RAB23: variants seen among roughly 807,000 people sequenced by gnomAD.
RAB23 encodes the protein RAB23, member RAS oncogene family, also known as ras-related protein Rab-23.
RAB23 carries 15 observed loss-of-function variants against 30.0 expected under a neutral mutation model. That is an observed-to-expected ratio of 0.50 (90% confidence interval 0.33 to 0.77). The LOEUF (loss-of-function observed/expected upper bound fraction) is 0.77. Among genes scored for constraint, RAB23 ranks in the 30% least tolerant of loss-of-function variants. The pLI is 0.02. For missense variants in RAB23, 243 were observed against 275.4 expected (o/e 0.88, Z 0.83); for synonymous variants, 93 against 94.0 (o/e 0.99, Z 0.06).
At chr6:57,212,136 C>CT (rs1267053325) in intron 1 of RAB23, among the ~76,000 whole-genome samples, 2 of 152,230 alleles carry the variant, frequency 1.3e-5, no homozygotes, top group African/African-American at 2.4e-5. Flanking sequence ...CCTTCATGAG[C>CT]TGCTACCTGG....
chr6:57,194,778 A>G lies in RAB23; in HGVS notation c.473T>C (p.Val158Ala). ...YRTSVKEDLN[V>A]NEVFKYLAEK... ...CTTTAAAGGTAATTTACCTTCATTC[A>G]CATTTAGATCTTCTTTCACTGATGT... Residue 158 changes from valine to alanine, a missense_variant, in exon 5 of 7, where the codon GTG becomes GCG. Coordinates refer to ENST00000468148, the MANE Select transcript of RAB23 (RefSeq NM_016277.5). 6.2e-7 allele frequency: 1 copy of G among 1,610,750 alleles called. No individual in the cohort carries two copies. Among genetic ancestry groups the G allele is most frequent in the Non-Finnish European group, 8.5e-7 (1 of 1,177,492 alleles).
At chr6:57,220,015 T>A (rs1023694035) in intron 1 of RAB23, among the ~76,000 whole-genome samples, 4 of 152,194 alleles carry the variant, frequency 2.6e-5, no homozygotes, top group Admixed American at 6.5e-5. Flanking sequence ...GAAAAACACG[T>A]ATCTAACATA....
chr6:57,194,612 C>T (rs914667765), intron 5 of RAB23, among the ~76,000 whole-genome samples, 158 bp downstream of exon 5: 3 of 151,988 alleles, frequency 2.0e-5, no homozygotes, highest in African/African-American at 7.2e-5. Flanking sequence ...AATAATTAAG[C>T]ACTAACAAAA....
intron 1 of RAB23, among the ~76,000 whole-genome samples, chr6:57,216,271 C>A (rs1462986293): frequency 6.6e-6 from 1 of 152,140 alleles, no homozygotes; most frequent in Non-Finnish European, 1.5e-5. Context: ...CCATAATGTG[C>A]ATCCCCATCA....
rs1764652533 is a variant in RAB23, at chr6:57,187,633, T to G, written c.*2828A>C. 2 of 152,174 alleles carry G rather than the reference T, an allele frequency of 1.3e-5. No individual in the cohort carries two copies. The highest frequency in any genetic ancestry group is 1.3e-4 in the Admixed American group (2 of 15,284). The allele number at this position is 152,174 out of a possible 1,614,324, so 9.4% of individuals were successfully genotyped here. A position where few individuals can be genotyped will look rare whatever the true frequency, so the allele number is the denominator to read the frequency against. Reference sequence around the variant, plus strand: ...GCTAATAATTAACAATATCTTATATTAAAAGGGTCCAACACTAAGTTGGGA... The same window carrying G: ...GCTAATAATTAACAATATCTTATATGAAAAGGGTCCAACACTAAGTTGGGA... On this transcript the variant is annotated 3_prime_UTR_variant, in exon 7 of 7. Transcript: ENST00000468148.
intron 1 of RAB23, among the ~76,000 whole-genome samples, chr6:57,218,253 T>C (rs865781908): frequency 6.6e-6 from 1 of 152,198 alleles, no homozygotes; most frequent in Middle Eastern, 3.4e-3. Flanking sequence ...AAAAAGACAC[T>C]ACAAAAAAGA....
At position 57,188,348 on chromosome 6, in the gene RAB23, CTT is replaced by C. The variant is rs1197040378; in HGVS notation, c.*2111_*2112del. ...ATTCAAATATGTAACAAAGCTCTCTCTTCAGTTCTTATTTAAAAAAAGATAAA... is the reference window on the plus strand; with the variant it reads ...ATTCAAATATGTAACAAAGCTCTCTCCAGTTCTTATTTAAAAAAAGATAAA... On this transcript the variant is annotated 3_prime_UTR_variant, in exon 7 of 7. Coordinates refer to ENST00000468148, the MANE Select transcript of RAB23 (RefSeq NM_016277.5). 6.6e-5 allele frequency: 10 copies of C among 152,044 alleles called. No homozygotes were observed. Among genetic ancestry groups the C allele is most frequent in the Admixed American group, 1.3e-4 (2 of 15,266 alleles). 9.4% of individuals were successfully genotyped at this position (152,044 alleles called of 1,614,324 possible). A position where few individuals can be genotyped will look rare whatever the true frequency, so the allele number is the denominator to read the frequency against.
chr6:57,220,691 G>C (rs1256941600), intron 1 of RAB23, among the ~76,000 whole-genome samples: 2 of 152,202 alleles, frequency 1.3e-5, no homozygotes, highest in African/African-American at 4.8e-5. Flanking sequence ...GAAAAGATTA[G>C]TAATTGCCAG....
At position 57,198,542 on chromosome 6, in the gene RAB23, G is replaced by A. The variant is rs375406786; in HGVS notation, c.242-1936C>T. 7.2e-3 allele frequency among the ~76,000 whole-genome samples: 1,095 copies of A among 152,128 alleles called. 5 individuals are homozygous for A. The highest frequency in any genetic ancestry group is 0.025 in the African/African-American group (1,027 of 41,486). On this transcript the variant is annotated intron_variant, in intron 3 of 6. Transcript: ENST00000468148. ...CAAAAAATACAAAAATCAGCCAGGC[G>A]TGGTGGCACACACCTGTAGTCCCAG...
chr6:57,194,636 C>A, intron 5 of RAB23, 134 bp downstream of exon 5: 2 of 643,656 alleles, frequency 3.1e-6, no homozygotes, highest in Non-Finnish European at 5.4e-6. Context: ...AGTAGAAAGC[C>A]TTTAAATTCT....
intron 3 of RAB23, among the ~76,000 whole-genome samples, chr6:57,199,824 T>C (rs1593214460): frequency 6.6e-6 from 1 of 152,228 alleles, no homozygotes; most frequent in African/African-American, 2.4e-5. Context: ...TTTTATGGAT[T>C]ACTTTTATGG....
At chr6:57,194,735 CT>C (rs1339981103) in intron 5 of RAB23, 34 bp downstream of exon 5, 10 of 1,453,356 alleles carry the variant, frequency 6.9e-6, no homozygotes, top group Non-Finnish European at 9.6e-6. Context: ...AATAAAATTT[CT>C]TTTTGCAATC....
intron 5 of RAB23, 129 bp from the exon 6 acceptor site, chr6:57,194,063 G>GT (rs1186873533): frequency 7.9e-5 from 108 of 1,368,258 alleles, no homozygotes; most frequent in Non-Finnish European, 1.0e-4. Context: ...ATACAATCTA[G>GT]TTAAAAATTC....
rs1263922329 is a variant in RAB23, at chr6:57,198,556, C to CTGTA, written c.242-1954_242-1951dup. On this transcript the variant is annotated intron_variant, in intron 3 of 6. Coordinates refer to ENST00000468148, the MANE Select transcript of RAB23 (RefSeq NM_016277.5). ...ATCAGCCAGGCGTGGTGGCACACAC[C>CTGTA]TGTAGTCCCAGCTACTCAGGTGACT... Among the ~76,000 whole-genome samples, 14 of 152,128 alleles carry CTGTA rather than the reference C, an allele frequency of 9.2e-5. No individual in the cohort carries two copies. In the East Asian group the frequency reaches 2.3e-3, roughly 25 times the overall value.
chr6:57,217,390 C>G (rs1199494700), intron 1 of RAB23, among the ~76,000 whole-genome samples: 1 of 152,186 alleles, frequency 6.6e-6, no homozygotes, highest in Non-Finnish European at 1.5e-5. Flanking sequence ...CGGCTCACCG[C>G]AACCTCCCCC....
At chr6:57,219,673 T>G (rs564282117) in intron 1 of RAB23, among the ~76,000 whole-genome samples, 2 of 152,110 alleles carry the variant, frequency 1.3e-5, no homozygotes, top group African/African-American at 4.8e-5. Flanking sequence ...ATAAAGACAA[T>G]TGATTTTTAA....
chr6:57,210,132 C>T (rs1426720849), intron 2 of RAB23, 94 bp downstream of exon 2: 7 of 1,397,266 alleles, frequency 5.0e-6, no homozygotes, highest in South Asian at 2.4e-5. Context: ...TGCCACACCT[C>T]GAAATCCACT....
rs1043367142 is a variant in RAB23 at position 57,193,883 on chromosome 6, G to A, written c.533C>T (p.Ala178Val). 1.1e-5 allele frequency: 18 copies of A among 1,612,890 alleles called. No homozygotes were observed. The highest frequency in any genetic ancestry group is 1.5e-5 in the Non-Finnish European group (18 of 1,179,326). Reference protein sequence around the residue: ...KYLQKLKQQIAEDPELTHSSS... With the variant: ...KYLQKLKQQIVEDPELTHSSS... ...TGAATGCGTTAGTTCTGGATCCTCA[G>A]CTATTTGTTGTTTGAGTTTCTGAAG... The change falls in exon 6 of 7, where the codon GCT becomes GTT. Residue 178 changes from alanine (A) to valine (V), a missense_variant. Coordinates refer to ENST00000468148, the MANE Select transcript of RAB23 (RefSeq NM_016277.5).
chr6:57,190,282 TC>T lies in RAB23; in HGVS notation c.*178del, dbSNP rs1764787987. The stretch of plus-strand genomic sequence containing the variant: ...AAGGAGTCCACAGGGCAATAATTTT[TC>T]CACCAGAGGTCTCACTCTACATTCT... On this transcript the variant is annotated 3_prime_UTR_variant, in exon 7 of 7. Coordinates refer to ENST00000468148, the MANE Select transcript of RAB23 (RefSeq NM_016277.5). 1 of 676,742 alleles carries T rather than the reference TC, an allele frequency of 1.5e-6. No individual in the cohort carries two copies. Among genetic ancestry groups the T allele is most frequent in the Non-Finnish European group, 2.5e-6 (1 of 404,068 alleles). The allele number at this position is 676,742 out of a possible 1,614,324, so 41.9% of individuals were successfully genotyped here.
Sources: gnomAD v4.1 joint callset for allele counts (sites outside exome capture counted in the v4.1 genomes callset) on GRCh38, gnomAD v4.1.1 for gene constraint, MANE v1.5 for transcripts, NCBI Gene and HGNC (gene_info 2026-07-23, HGNC 2026-07-21) for gene names.